Variants in RAB31 observed in about 807,000 individuals in gnomAD.
The protein encoded by RAB31 is RAB31, member RAS oncogene family.
Under a neutral mutation model 25.6 loss-of-function variants are expected in RAB31, and 21 were observed. That is an observed-to-expected ratio of 0.82 (90% CI 0.58 to 1.18). RAB31 has a LOEUF of 1.18. Among genes scored for constraint, RAB31 ranks in the 50% most tolerant of loss-of-function variants. RAB31 has a pLI of 0.00. For synonymous variants in RAB31, 87 were observed against 84.0 expected, an observed-to-expected ratio of 1.04 and a Z score of -0.20; for missense variants, 196 against 250.1, an observed-to-expected ratio of 0.78 and a Z score of 1.46.
At chr18:9,853,198 T>C (rs1395973894) in intron 6 of RAB31, among the ~76,000 whole-genome samples, 3 of 152,190 alleles carry the variant, frequency 2.0e-5, no homozygotes, top group Non-Finnish European at 2.9e-5. Flanking sequence ...CTTGACAGTG[T>C]TGTTTGGAGA....
rs1599053279 is a variant in RAB31 at position 9,820,290 on chromosome 18, T to C, written c.380+5068T>C. Among the ~76,000 whole-genome samples, 2 of 152,234 alleles carry C rather than the reference T, an allele frequency of 1.3e-5. 1 individual carries two copies. Among genetic ancestry groups the C allele is most frequent in the South Asian group, 4.1e-4 (2 of 4,834 alleles). ...ATTTTTTCAAAAAACTTTTTACATA[T>C]GTAATTATATGTTAATTGATTTTGG... is the stretch of plus-strand genomic sequence containing the variant. On this transcript the variant is annotated intron_variant, in intron 5 of 6. Transcript: ENST00000578921.
At chr18:9,754,905 T>C (rs1465308760) in intron 1 of RAB31, among the ~76,000 whole-genome samples, 2 of 152,140 alleles carry the variant, frequency 1.3e-5, no homozygotes, top group Non-Finnish European at 2.9e-5. Context: ...ATAAAGGCAT[T>C]ACCATACCTG....
At chr18:9,751,100 T>A (rs1160830264) in intron 1 of RAB31, among the ~76,000 whole-genome samples, 1 of 152,150 alleles carries the variant, frequency 6.6e-6, no homozygotes, top group Non-Finnish European at 1.5e-5. Flanking sequence ...AGCGGTGTGA[T>A]CATAGCTCAC....
At chr18:9,792,329 C>T (rs992536547) in intron 3 of RAB31, 94 bp downstream of exon 3, 10 of 1,486,738 alleles carry the variant, frequency 6.7e-6, no homozygotes, top group Non-Finnish European at 9.0e-6. Flanking sequence ...CTCTTGGTTG[C>T]AGGTGACAGA....
chr18:9,794,118 C>T (rs1320854873), intron 3 of RAB31, among the ~76,000 whole-genome samples: 1 of 152,108 alleles, frequency 6.6e-6, no homozygotes, highest in Non-Finnish European at 1.5e-5. Flanking sequence ...TGGTCTTGAA[C>T]TCCTGGGCTC....
intron 2 of RAB31, among the ~76,000 whole-genome samples, chr18:9,779,818 C>G (rs959736075): frequency 1.3e-5 from 2 of 152,160 alleles, no homozygotes; most frequent in African/African-American, 4.8e-5. Context: ...ATAGGGCTTA[C>G]ACAGGTGACT....
At chr18:9,804,958 C>T (rs533039273) in intron 3 of RAB31, among the ~76,000 whole-genome samples, 12 of 152,302 alleles carry the variant, frequency 7.9e-5, no homozygotes, top group African/African-American at 2.9e-4. Flanking sequence ...TCCCTTAGAG[C>T]TATGAAGGTC....
intron 1 of RAB31, among the ~76,000 whole-genome samples, chr18:9,749,955 A>G (rs17510362): frequency 0.14 from 21,382 of 152,194 alleles, 1,895 homozygotes; most frequent in Non-Finnish European, 0.19. Flanking sequence ...ACCTCCGTCC[A>G]GTGGGCCCTT....
chr18:9,859,556 A>C lies in RAB31; in HGVS notation c.*231A>C. ...CACAAAATGGCCTTTAGTGTATGAA[A>C]TGCACATGGAGGGGATGTAGTTGCA... On this transcript the variant is annotated 3_prime_UTR_variant, in exon 7 of 7. Transcript: ENST00000578921. The C allele has an allele frequency of 2.5e-6, 1 of 396,250 alleles. No homozygotes were observed. Among genetic ancestry groups the C allele is most frequent in the Non-Finnish European group, 4.5e-6 (1 of 223,410 alleles). 24.5% of individuals were successfully genotyped at this position (396,250 alleles called of 1,614,324 possible).
intron 3 of RAB31, among the ~76,000 whole-genome samples, chr18:9,802,247 C>T (rs575000959): frequency 2.3e-4 from 35 of 152,170 alleles, no homozygotes; most frequent in Non-Finnish European, 4.7e-4. Context: ...ATTATGTTGA[C>T]TTTGTAGATG....
rs533024246 is a variant in RAB31, at chr18:9,782,200, C to T, written c.119+6843C>T. 5.3e-5 allele frequency among the ~76,000 whole-genome samples: 8 copies of T among 152,342 alleles called. No homozygotes were observed. In the South Asian group the frequency reaches 1.7e-3, roughly 32 times the overall value. ...CTGCTTCACTCATTTATATGTCCTG[C>T]CTGGTCCCTAGACATTTCAGTTCCT... On this transcript the variant is annotated intron_variant, in intron 2 of 6. Coordinates refer to ENST00000578921, the MANE Select transcript of RAB31 (RefSeq NM_006868.4).
chr18:9,798,286 G>A (rs2068496328), intron 3 of RAB31, among the ~76,000 whole-genome samples: 1 of 152,156 alleles, frequency 6.6e-6, no homozygotes, highest in Non-Finnish European at 1.5e-5. Flanking sequence ...CATTATCCTT[G>A]GGCTGTCCTT....
chr18:9,754,441 G>T (rs1016501109), intron 1 of RAB31, among the ~76,000 whole-genome samples: 2 of 151,832 alleles, frequency 1.3e-5, no homozygotes, highest in African/African-American at 4.8e-5. Context: ...CACCACACCC[G>T]GCTAATTTTT....
At chr18:9,842,216 A>G (rs1010723023) in intron 5 of RAB31, among the ~76,000 whole-genome samples, 6 of 152,140 alleles carry the variant, frequency 3.9e-5, no homozygotes, top group Non-Finnish European at 8.8e-5. Context: ...TTGAGGCTTC[A>G]TTACTTAGAT....
Position 9,859,562 on chromosome 18 carries a change from A to G in RAB31, c.*237A>G. On this transcript the variant is annotated 3_prime_UTR_variant, in exon 7 of 7. Transcript: ENST00000578921. ...ATGGCCTTTAGTGTATGAAATGCAC[A>G]TGGAGGGGATGTAGTTGCATTTTTG... 1 of 363,698 alleles carries G rather than the reference A, an allele frequency of 2.7e-6. No individual in the cohort carries two copies. Among genetic ancestry groups the G allele is most frequent in the East Asian group, 4.3e-5 (1 of 23,090 alleles). 22.5% of individuals were successfully genotyped at this position (363,698 alleles called of 1,614,324 possible). A position where few individuals can be genotyped will look rare whatever the true frequency, so the allele number is the denominator to read the frequency against.
intron 1 of RAB31, among the ~76,000 whole-genome samples, chr18:9,763,076 T>A (rs1317068678): frequency 2.0e-5 from 3 of 152,170 alleles, no homozygotes; most frequent in Non-Finnish European, 4.4e-5. Flanking sequence ...ATATTACAAA[T>A]ATTTTCTTAT....
intron 1 of RAB31, among the ~76,000 whole-genome samples, chr18:9,750,422 T>A (rs2068228825): frequency 6.6e-6 from 1 of 152,180 alleles, no homozygotes; most frequent in Non-Finnish European, 1.5e-5. Context: ...TCTAGAAGGA[T>A]CCCGCCTTGT....
At chr18:9,775,583 A>G (rs2068368426) in intron 2 of RAB31, among the ~76,000 whole-genome samples, 1 of 150,960 alleles carries the variant, frequency 6.6e-6, no homozygotes, top group African/African-American at 2.4e-5. Context: ...TCCTCATGCT[A>G]CCTCCTAAGG....
At chr18:9,751,029 T>C (rs934706100) in intron 1 of RAB31, among the ~76,000 whole-genome samples, 1 of 152,280 alleles carries the variant, frequency 6.6e-6, no homozygotes, top group Non-Finnish European at 1.5e-5. Context: ...TTTTCTTTTT[T>C]CGTTTTTTAA....
Sources: gnomAD v4.1 joint callset for allele counts (sites outside exome capture counted in the v4.1 genomes callset) on GRCh38, gnomAD v4.1.1 for gene constraint, MANE v1.5 for transcripts, NCBI Gene and HGNC (gene_info 2026-07-23, HGNC 2026-07-21) for gene names.